The following RBFOX3 variants were observed in gnomAD, a reference collection of about 807,000 sequenced individuals.
RBFOX3 encodes the protein RNA binding protein fox-1 homolog 3.
Under a neutral mutation model 48.7 loss-of-function variants are expected in RBFOX3, and 17 were observed. The observed-to-expected ratio is 0.35, with a 90% CI of 0.24 to 0.52. RBFOX3 has a LOEUF of 0.52. Among genes scored for constraint, RBFOX3 ranks in the 20% least tolerant of loss-of-function variants. The probability of loss-of-function intolerance (pLI) is 0.94; values close to 1 mark genes in which losing one functional copy is unlikely to be tolerated. For missense variants in RBFOX3, 382 were observed against 497.5 expected (o/e 0.77, Z 2.21); for synonymous variants, 212 against 209.5 (o/e 1.01, Z -0.10).
chr17:79,320,772 C>T (rs1043230745), intron 2 of RBFOX3, among the ~76,000 whole-genome samples: 1 of 152,134 alleles, frequency 6.6e-6, no homozygotes, highest in African/African-American at 2.4e-5. Context: ...TGTCTTCCCC[C>T]TAAAACCTTG....
In RBFOX3 at chr17:79,363,176, G is replaced by C. The variant is rs1598392843; in HGVS notation, c.-174-55352C>G. Reference sequence around the variant, plus strand: ...GCACATGACTCCTGTGTCTGAGGTGGCTCCTGCACTCCTGAGCGTGGCCAG... The same window carrying C: ...GCACATGACTCCTGTGTCTGAGGTGCCTCCTGCACTCCTGAGCGTGGCCAG... On this transcript the variant is annotated intron_variant, in intron 2 of 14. Coordinates refer to ENST00000693108, the MANE Select transcript of RBFOX3 (RefSeq NM_001350451.2). The surrounding 1 kb of genome is among the most constrained non-coding windows in gnomAD (Gnocchi z 4.7). Among the ~76,000 whole-genome samples, 3 of 152,204 alleles carry C rather than the reference G, an allele frequency of 2.0e-5. No individual in the cohort carries two copies. The highest frequency in any genetic ancestry group is 7.2e-5 in the African/African-American group (3 of 41,446).
intron 2 of RBFOX3, among the ~76,000 whole-genome samples, chr17:79,341,586 G>A (rs374231927): frequency 4.6e-5 from 7 of 152,102 alleles, no homozygotes; most frequent in Admixed American, 3.9e-4. Flanking sequence ...TGTCCTACAC[G>A]CCACATGGGC....
chr17:79,396,498 A>G (rs2062011093), intron 2 of RBFOX3, among the ~76,000 whole-genome samples: 1 of 152,186 alleles, frequency 6.6e-6, no homozygotes. Context: ...GTTTCTTTCC[A>G]GAAAGGGGGA....
At chr17:79,608,131 G>A (rs910658520) in intron 1 of RBFOX3, among the ~76,000 whole-genome samples, 1 of 152,182 alleles carries the variant, frequency 6.6e-6, no homozygotes, top group Non-Finnish European at 1.5e-5. Flanking sequence ...TGGAGGCCCC[G>A]GCCCTGTCCT....
At chr17:79,313,399 CACTCATTCATGT>C (rs1347493225) in intron 2 of RBFOX3, among the ~76,000 whole-genome samples, 8 of 152,190 alleles carry the variant, frequency 5.3e-5, no homozygotes, top group Admixed American at 5.2e-4. Flanking sequence ...CTTCTTCACT[CACTCATTCATGT>C]ACTCATTCAT....
chr17:79,382,698 A>G (rs1310727619), intron 2 of RBFOX3, among the ~76,000 whole-genome samples: 3 of 152,218 alleles, frequency 2.0e-5, no homozygotes, highest in Non-Finnish European at 4.4e-5. Flanking sequence ...CCTCGCAAAC[A>G]GCTTCTGAAT....
intron 4 of RBFOX3, among the ~76,000 whole-genome samples, chr17:79,127,747 A>G (rs2037693201): frequency 6.6e-6 from 1 of 152,202 alleles, no homozygotes; most frequent in Admixed American, 6.5e-5. Flanking sequence ...CTGGGCTGGA[A>G]CAGCACGAGT....
chr17:79,140,797 C>T (rs1016721201), intron 4 of RBFOX3, among the ~76,000 whole-genome samples: 7 of 152,240 alleles, frequency 4.6e-5, no homozygotes, highest in Non-Finnish European at 1.0e-4. Flanking sequence ...GCCATCCATC[C>T]CTCACACTTC....
chr17:79,300,949 C>G (rs2075214555), intron 3 of RBFOX3, among the ~76,000 whole-genome samples: 1 of 152,162 alleles, frequency 6.6e-6, no homozygotes, highest in Non-Finnish European at 1.5e-5. Flanking sequence ...ACAGGGGAGG[C>G]ATGGATGCCA....
chr17:79,614,071 CAGG>C (rs1484650017), upstream of RBFOX3, among the ~76,000 whole-genome samples: 3 of 152,250 alleles, frequency 2.0e-5, no homozygotes, highest in Non-Finnish European at 4.4e-5. Flanking sequence ...CGGGGAGGCA[CAGG>C]AGAAGTGGCG....
chr17:79,642,817 C>A, the RBFOX3 span, among the ~76,000 whole-genome samples: 1 of 152,086 alleles, frequency 6.6e-6, no homozygotes, highest in African/African-American at 2.4e-5. Flanking sequence ...TCAATAAGTA[C>A]GCAAAATACC....
intron 4 of RBFOX3, among the ~76,000 whole-genome samples, chr17:79,149,092 A>G (rs894760900): frequency 2.6e-5 from 4 of 152,230 alleles, no homozygotes; most frequent in Admixed American, 6.5e-5. Context: ...CTTAAGAAGC[A>G]CAAGGAGATC....
intron 2 of RBFOX3, among the ~76,000 whole-genome samples, chr17:79,374,592 G>A (rs187697731): frequency 1.4e-3 from 216 of 152,340 alleles, no homozygotes; most frequent in African/African-American, 4.7e-3. Flanking sequence ...AGCTGGCTGC[G>A]CCCAGGTACA....
chr17:79,327,132 A>ACC (rs765592619), intron 2 of RBFOX3, among the ~76,000 whole-genome samples: 1 of 151,828 alleles, frequency 6.6e-6, no homozygotes, highest in African/African-American at 2.4e-5. Flanking sequence ...TGGGCTGGGT[A>ACC]CCCCCCACAC....
intron 2 of RBFOX3, among the ~76,000 whole-genome samples, chr17:79,330,672 G>A (rs2080135436): frequency 6.6e-6 from 1 of 152,108 alleles, no homozygotes; most frequent in South Asian, 2.1e-4. Flanking sequence ...GCAAAATCCA[G>A]CCCCACGGCC....
At position 79,344,766 on chromosome 17, in the gene RBFOX3, G is replaced by C. The variant is rs1598333449; in HGVS notation, c.-174-36942C>G. On this transcript the variant is annotated intron_variant, in intron 2 of 14. Transcript: ENST00000693108. Reference sequence around the variant, plus strand: ...GGTGAAGTTTTCACCATGTTGGCCAGGCTGGTCTCAAACTCCTGATCTCAG... The same window carrying C: ...GGTGAAGTTTTCACCATGTTGGCCACGCTGGTCTCAAACTCCTGATCTCAG... 2.6e-5 allele frequency among the ~76,000 whole-genome samples: 4 copies of C among 152,132 alleles called. 1 individual carries two copies. Among genetic ancestry groups the C allele is most frequent in the Admixed American group, 2.6e-4 (4 of 15,272 alleles).
rs183411102 is a variant in RBFOX3 at position 79,214,808 on chromosome 17, C to T, written c.-34+20958G>A. Among the ~76,000 whole-genome samples, 12 of 152,228 alleles carry T rather than the reference C, an allele frequency of 7.9e-5. No individual in the cohort carries two copies. The highest frequency in any genetic ancestry group is 4.6e-4 in the Admixed American group (7 of 15,294). ...GTTAAATGCACAGACAGGATATTAG[C>T]GTTTAAACAGCTTCTATTACTCCAG... is the stretch of plus-strand genomic sequence containing the variant. On this transcript the variant is annotated intron_variant, in intron 4 of 14. Transcript: ENST00000693108. This position sits in a 1 kb window ranked among gnomAD's most constrained non-coding sequence, Gnocchi z 4.7.
At chr17:79,636,279 A>ATG in the RBFOX3 span, among the ~76,000 whole-genome samples, 4 of 152,052 alleles carry the variant, frequency 2.6e-5, no homozygotes, top group Non-Finnish European at 4.4e-5. Flanking sequence ...ATAAAGGATT[A>ATG]TGTGTGTGTG....
intron 2 of RBFOX3, among the ~76,000 whole-genome samples, chr17:79,429,199 A>T (rs1360608041): frequency 1.3e-5 from 2 of 152,246 alleles, no homozygotes; most frequent in Non-Finnish European, 2.9e-5. Flanking sequence ...CAGGGACACC[A>T]GCACAGAGCT....
Sources: gnomAD v4.1 joint callset for allele counts (sites outside exome capture counted in the v4.1 genomes callset) on GRCh38, gnomAD v4.1.1 for gene constraint, Gnocchi (gnomAD v3.1) non-coding constraint, MANE v1.5 for transcripts, NCBI Gene and HGNC (gene_info 2026-07-23, HGNC 2026-07-21) for gene names.